The following ZFAND4 variants were observed in gnomAD, a reference collection of about 807,000 sequenced individuals.
The protein encoded by ZFAND4 is zinc finger AN1-type containing 4.
In ZFAND4, 43 loss-of-function variants were observed where a neutral mutation model predicts 64.4. The observed-to-expected ratio is 0.67, with a 90% CI of 0.52 to 0.86. The LOEUF is 0.86. Ranked by LOEUF, ZFAND4 falls within the 40% of genes least tolerant of loss-of-function variation. ZFAND4 has a pLI of 0.00. For missense variants in ZFAND4, 929 were observed against 859.8 expected (o/e 1.08, Z -1.01); for synonymous variants, 296 against 305.7 (o/e 0.97, Z 0.33).
At chr10:45,640,775 C>T (rs1437604442) in intron 5 of ZFAND4, among the ~76,000 whole-genome samples, 2 of 152,158 alleles carry the variant, frequency 1.3e-5, no homozygotes, top group African/African-American at 4.8e-5. Context: ...TAGGTGTGAG[C>T]CACCGCGCCC....
intron 1 of ZFAND4, among the ~76,000 whole-genome samples, chr10:45,671,758 C>T (rs1157760682): frequency 2.0e-5 from 3 of 151,638 alleles, no homozygotes; most frequent in Non-Finnish European, 2.9e-5. Flanking sequence ...GTGCAGAAAA[C>T]CAACATGGCA....
intron 5 of ZFAND4, 143 bp from the exon 6 acceptor site, chr10:45,640,106 T>C (rs2046883303): frequency 2.3e-6 from 3 of 1,291,664 alleles, no homozygotes; most frequent in East Asian, 5.1e-5. Context: ...CAGGAAAATA[T>C]ATTTCAAAGA....
In ZFAND4 at chr10:45,668,612, A is replaced by G. The variant is rs554465990; in HGVS notation, c.-118+3638T>C. On this transcript the variant is annotated intron_variant, in intron 1 of 9. Transcript: ENST00000344646. ...TCTGGCAAATTCTTCTCAGCACCAC[A>G]TCGCACTTATTCCAAAGTTGACCAC... Among the ~76,000 whole-genome samples, 11 of 152,370 alleles carry G rather than the reference A, an allele frequency of 7.2e-5. No homozygotes were observed. The East Asian group carries it at 1.7e-3, about 24-fold the overall frequency.
intron 5 of ZFAND4, among the ~76,000 whole-genome samples, chr10:45,646,901 G>T (rs1428266028): frequency 1.3e-5 from 2 of 152,164 alleles, no homozygotes; most frequent in Non-Finnish European, 2.9e-5. Flanking sequence ...GTGCTAACCA[G>T]ATGCTGACAT....
intron 6 of ZFAND4, among the ~76,000 whole-genome samples, chr10:45,629,736 G>GC: frequency 6.6e-6 from 1 of 152,034 alleles, no homozygotes; most frequent in East Asian, 1.9e-4. Context: ...GGTGGCAGGA[G>GC]CCCGTAGTCC....
chr10:45,632,060 A>C (rs749541985), intron 6 of ZFAND4, among the ~76,000 whole-genome samples: 1 of 152,230 alleles, frequency 6.6e-6, no homozygotes, highest in Non-Finnish European at 1.5e-5. Context: ...GATCATAAGA[A>C]TGGAATACAA....
At chr10:45,631,190 C>T (rs2046193210) in intron 6 of ZFAND4, among the ~76,000 whole-genome samples, 1 of 151,028 alleles carries the variant, frequency 6.6e-6, no homozygotes, top group Non-Finnish European at 1.5e-5. Flanking sequence ...TGGTGACGGG[C>T]GCCTGTAGTC....
At chr10:45,632,084 G>T (rs2046261751) in intron 6 of ZFAND4, among the ~76,000 whole-genome samples, 2 of 152,190 alleles carry the variant, frequency 1.3e-5, no homozygotes, top group Admixed American at 1.3e-4. Flanking sequence ...GCCGGGCATG[G>T]TGGCTCATGC....
In ZFAND4 at chr10:45,672,467, C is replaced by A. The variant is rs1466191953; in HGVS notation, c.-335G>T. 6.6e-6 allele frequency: 1 copy of A among 152,364 alleles called. No individual in the cohort carries two copies. The highest frequency in any genetic ancestry group is 1.5e-5 in the Non-Finnish European group (1 of 68,152). The allele number at this position is 152,364 out of a possible 1,614,324, so 9.4% of individuals were successfully genotyped here. ...TGTGTCCTGGGCAAAGGCGGCCCGCCGCTCCGGTCCCCGGGCAGCAGCGGC... is the reference window on the plus strand; with the variant it reads ...TGTGTCCTGGGCAAAGGCGGCCCGCAGCTCCGGTCCCCGGGCAGCAGCGGC... On this transcript the variant is annotated 5_prime_UTR_variant, in exon 1 of 10. Coordinates refer to ENST00000344646, the MANE Select transcript of ZFAND4 (RefSeq NM_174890.4).
rs777335661 is a variant in ZFAND4, at chr10:45,639,907, G to C, written c.626C>G (p.Ser209Cys). ...TDEDEETEPS[S>C]SGQQIIENSI... Reference sequence around the variant, plus strand: ...ATTTTCAATTATCTGTTGCCCAGAAGAAGAAGGCTCAGTTTCTTCATCCTC... The same window carrying C: ...ATTTTCAATTATCTGTTGCCCAGAACAAGAAGGCTCAGTTTCTTCATCCTC... Residue 209 changes from serine (S) to cysteine (C), a missense_variant, in exon 6 of 10, where the codon TCT (serine) becomes TGT (cysteine). Physicochemically the swap from Ser to Cys is moderately radical, Grantham distance 112. Coordinates refer to ENST00000344646, the MANE Select transcript of ZFAND4 (RefSeq NM_174890.4). 8.7e-6 allele frequency: 14 copies of C among 1,613,414 alleles called. No individual in the cohort carries two copies. Among genetic ancestry groups the C allele is most frequent in the Non-Finnish European group, 1.1e-5 (13 of 1,179,944 alleles).
At chr10:45,645,385 T>C (rs2047310534) in intron 5 of ZFAND4, among the ~76,000 whole-genome samples, 1 of 152,230 alleles carries the variant, frequency 6.6e-6, no homozygotes, top group South Asian at 2.1e-4. Flanking sequence ...ATGGTAAACT[T>C]CAATTGTTTC....
chr10:45,663,048 C>T lies in ZFAND4; in HGVS notation c.184+494G>A, dbSNP rs148932378. On this transcript the variant is annotated intron_variant, in intron 2 of 9. Coordinates refer to ENST00000344646, the MANE Select transcript of ZFAND4 (RefSeq NM_174890.4). ...CATTACACATTATTCAGCACCCCTG[C>T]TATACTAAGGGAACTTTGAATATAC... 2.4e-3 allele frequency among the ~76,000 whole-genome samples: 360 copies of T among 150,916 alleles called. 5 individuals carry two copies. The highest frequency in any genetic ancestry group is 8.1e-3 in the African/African-American group (333 of 41,010).
At position 45,653,200 on chromosome 10, in the gene ZFAND4, T is replaced by C. The variant is rs535931833; in HGVS notation, c.185-141A>G. 9 of 617,556 alleles carry C rather than the reference T, an allele frequency of 1.5e-5. No individual in the cohort carries two copies. The South Asian group carries it at 1.9e-4, about 13-fold the overall frequency. The allele number at this position is 617,556 out of a possible 1,614,324, so 38.3% of individuals were successfully genotyped here. On this transcript the variant is annotated intron_variant, in intron 2 of 9. Coordinates refer to ENST00000344646, the MANE Select transcript of ZFAND4 (RefSeq NM_174890.4). ...CTAAATTGAATGCTAGGTGCTAAAATTTACAGAATCATAGGTAGAAGGCAT... is the reference window on the plus strand; with the variant it reads ...CTAAATTGAATGCTAGGTGCTAAAACTTACAGAATCATAGGTAGAAGGCAT...
chr10:45,641,153 C>T (rs1053698551), intron 5 of ZFAND4, among the ~76,000 whole-genome samples: 7 of 152,032 alleles, frequency 4.6e-5, no homozygotes, highest in African/African-American at 1.7e-4. Context: ...GGCACATAGC[C>T]AATAAATGTT....
intron 8 of ZFAND4, among the ~76,000 whole-genome samples, chr10:45,622,803 T>G (rs2045525328): frequency 6.6e-6 from 1 of 152,200 alleles, no homozygotes; most frequent in Non-Finnish European, 1.5e-5. Flanking sequence ...AGACGGGAGT[T>G]TGAAAGTTGT....
rs1589392998 is a variant in ZFAND4, at chr10:45,653,174, T to C, written c.185-115A>G. On this transcript the variant is annotated intron_variant, in intron 2 of 9. Transcript: ENST00000344646. ...AGAGCACTAAAAAATTAAACATTCT[T>C]CTAAATTGAATGCTAGGTGCTAAAA... The C allele has an allele frequency of 7.8e-6, 6 of 768,532 alleles. No homozygotes were observed. In the East Asian group the frequency reaches 1.6e-4, roughly 21 times the overall value. 47.6% of individuals were successfully genotyped at this position (768,532 alleles called of 1,614,324 possible). A position where few individuals can be genotyped will look rare whatever the true frequency, so the allele number is the denominator to read the frequency against.
rs1305294636 is a variant in ZFAND4, at chr10:45,622,428, TTGG to T, written c.1927+2152_1927+2154del. ...GGGGAAAAGCTTCATGGTATTGGAT[TTGG>T]TGGTGATTTCTTGGATATGACACCA... is the stretch of plus-strand genomic sequence containing the variant. On this transcript the variant is annotated intron_variant, in intron 8 of 9. Coordinates refer to ENST00000344646, the MANE Select transcript of ZFAND4 (RefSeq NM_174890.4). Among the ~76,000 whole-genome samples the T allele has an allele frequency of 3.9e-5, 6 of 152,224 alleles. No homozygotes were observed. The East Asian group carries it at 7.7e-4, about 20-fold the overall frequency.
At chr10:45,624,815 T>C (rs532821983) in intron 7 of ZFAND4, among the ~76,000 whole-genome samples, 178 bp from the exon 8 acceptor site, 9 of 152,196 alleles carry the variant, frequency 5.9e-5, no homozygotes, top group Non-Finnish European at 1.3e-4. Flanking sequence ...TCTAGCAATA[T>C]CGTGCTTATT....
intron 1 of ZFAND4, among the ~76,000 whole-genome samples, chr10:45,671,162 T>C (rs1454481778): frequency 6.6e-6 from 1 of 152,112 alleles, no homozygotes; most frequent in Non-Finnish European, 1.5e-5. Context: ...ATGGCGATCA[T>C]TAGAAAGTTA....
Sources: gnomAD v4.1 joint callset for allele counts (sites outside exome capture counted in the v4.1 genomes callset) on GRCh38, gnomAD v4.1.1 for gene constraint, MANE v1.5 for transcripts, NCBI Gene and HGNC (gene_info 2026-07-23, HGNC 2026-07-21) for gene names.